ZNF195: variants seen among roughly 807,000 people sequenced by gnomAD.
ZNF195 encodes hypoxia-regulated factor-1.
In ZNF195, 11 loss-of-function variants were observed where a neutral mutation model predicts 19.5. The observed-to-expected ratio is 0.57, with a 90% CI of 0.36 to 0.94. ZNF195 has a LOEUF of 0.94. ZNF195 is among the 40% of genes least tolerant of loss of function. The pLI is 0.01. For missense variants in ZNF195, 582 were observed against 709.0 expected (o/e 0.82, Z 2.03); for synonymous variants, 214 against 248.1 (o/e 0.86, Z 1.29).
intron 1 of ZNF195, among the ~76,000 whole-genome samples, chr11:3,375,868 C>T (rs766271367): frequency 2.6e-5 from 4 of 152,112 alleles, no homozygotes; most frequent in Admixed American, 6.5e-5. Flanking sequence ...GCCTGAGCCC[C>T]GTCTGCACAG....
At chr11:3,371,820 CAGA>C (rs1849227196) in intron 1 of ZNF195, 117 bp from the exon 2 acceptor site, 1 of 1,167,240 alleles carries the variant, frequency 8.6e-7, no homozygotes, top group Non-Finnish European at 1.2e-6. Flanking sequence ...TAATTCTTAG[CAGA>C]AGAATACTCT....
At chr11:3,370,924 C>G (rs377322680) in intron 3 of ZNF195, 51 bp downstream of exon 3, 1 of 1,589,502 alleles carries the variant, frequency 6.3e-7, no homozygotes, top group African/African-American at 1.3e-5. Context: ...GCTTCCTCCT[C>G]GACCTCTGGA....
In ZNF195 at chr11:3,379,133, C is replaced by T; in HGVS notation, c.-93G>A. 6 of 1,388,022 alleles carry T rather than the reference C, an allele frequency of 4.3e-6. No individual in the cohort carries two copies. Among genetic ancestry groups the T allele is most frequent in the Non-Finnish European group, 4.7e-6 (5 of 1,057,680 alleles). The allele number at this position is 1,388,022 out of a possible 1,614,324, so 86.0% of individuals were successfully genotyped here. On this transcript the variant is annotated 5_prime_UTR_variant, in exon 1 of 6. Coordinates refer to ENST00000399602, the MANE Select transcript of ZNF195 (RefSeq NM_001130520.3). ...ACGGCTAGCAGGGGACACAGAGCCGCGGGGACAGGAAGTGGAGCTCTGTCG... is the reference window on the plus strand; with the variant it reads ...ACGGCTAGCAGGGGACACAGAGCCGTGGGGACAGGAAGTGGAGCTCTGTCG...
Position 3,359,725 on chromosome 11 carries a change from T to C in ZNF195, c.1283A>G (p.His428Arg). ...IFKWFSDLTK[H>R]KRIHTGEKPY... ...TTTCTCACCAGTGTGAATTCTCTTA[T>C]GTTTAGTAAGGTCTGAGAACCACTT... Residue 428 changes from histidine to arginine, a missense_variant, in exon 6 of 6, where the codon CAT becomes CGT. Transcript: ENST00000399602. This position sits in a 1 kb window ranked among gnomAD's most constrained non-coding sequence, Gnocchi z 5.5. 4 of 1,614,148 alleles carry C rather than the reference T, an allele frequency of 2.5e-6. No individual in the cohort carries two copies. Among genetic ancestry groups the C allele is most frequent in the Non-Finnish European group, 3.4e-6 (4 of 1,179,962 alleles).
intron 3 of ZNF195, among the ~76,000 whole-genome samples, chr11:3,370,230 A>G (rs926772939): frequency 2.0e-5 from 3 of 151,884 alleles, no homozygotes; most frequent in Admixed American, 6.6e-5. Flanking sequence ...ATACACACAT[A>G]TATACATATG....
At chr11:3,376,601 A>G (rs1849478854) in intron 1 of ZNF195, among the ~76,000 whole-genome samples, 2 of 152,234 alleles carry the variant, frequency 1.3e-5, no homozygotes. Flanking sequence ...CAACAAAATC[A>G]CTGAAACAGT....
chr11:3,361,106 T>A (rs868181859), intron 4 of ZNF195, among the ~76,000 whole-genome samples: 14 of 152,310 alleles, frequency 9.2e-5, no homozygotes, highest in African/African-American at 3.4e-4. Context: ...AGGCGACAAG[T>A]GTATTGTGTG....
At chr11:3,364,862 A>C (rs7946075) in intron 3 of ZNF195, among the ~76,000 whole-genome samples, 96,995 of 152,026 alleles carry the variant, frequency 0.64, 31,534 homozygotes, top group Middle Eastern at 0.73. Flanking sequence ...TACTTATTGA[A>C]CAGAAATAAA....
intron 1 of ZNF195, among the ~76,000 whole-genome samples, chr11:3,376,333 GA>G (rs897208883): frequency 2.1e-3 from 291 of 136,804 alleles, no homozygotes; most frequent in Middle Eastern, 3.7e-3. Flanking sequence ...GCTGATAACT[GA>G]AAAAAAAAAA....
intron 1 of ZNF195, among the ~76,000 whole-genome samples, chr11:3,377,309 G>C (rs903776664): frequency 5.3e-5 from 8 of 152,174 alleles, no homozygotes; most frequent in African/African-American, 1.9e-4. Context: ...TATTCCTTGG[G>C]AGATTCTCCC....
intron 1 of ZNF195, chr11:3,373,478 A>G: frequency 1.1e-6 from 1 of 935,672 alleles, no homozygotes; most frequent in East Asian, 2.6e-5. Flanking sequence ...CTTACTATGG[A>G]GAAACACCAC....
chr11:3,377,505 G>T (rs192194936), intron 1 of ZNF195: 2 of 897,854 alleles, frequency 2.2e-6, no homozygotes, highest in Admixed American at 5.2e-5. Flanking sequence ...GGGCAGAAAT[G>T]ATTTCGGTCT....
intron 3 of ZNF195, 50 bp downstream of exon 3, chr11:3,370,925 G>A (rs535340981): frequency 7.5e-6 from 12 of 1,592,674 alleles, no homozygotes; most frequent in East Asian, 2.2e-5. Flanking sequence ...CTTCCTCCTC[G>A]ACCTCTGGAC....
At chr11:3,362,738 C>T in intron 3 of ZNF195, 1 of 344,988 alleles carries the variant, frequency 2.9e-6, no homozygotes, top group Admixed American at 4.6e-5. Context: ...TACATCTTTT[C>T]ATTTCAGTAA....
chr11:3,363,759 TCAAAACACATTA>T lies in ZNF195; in HGVS notation c.227-1882_227-1871del, dbSNP rs1395607244. On this transcript the variant is annotated intron_variant, in intron 3 of 5. Coordinates refer to ENST00000399602, the MANE Select transcript of ZNF195 (RefSeq NM_001130520.3). ...GTTGGAGGTATCACACTGTCTGATT[TCAAAACACATTA>T]CAAGGCGACCGTAATTAAAACAGTT... Among the ~76,000 whole-genome samples the T allele has an allele frequency of 7.2e-5, 11 of 152,342 alleles. No homozygotes were observed. The East Asian group carries it at 1.9e-3, about 27-fold the overall frequency.
At chr11:3,362,520 G>A in intron 3 of ZNF195, 1 of 514,810 alleles carries the variant, frequency 1.9e-6, no homozygotes, top group South Asian at 2.9e-5. Context: ...TACAACTAAA[G>A]TTAAGTATTT....
chr11:3,372,616 A>G (rs1017325268), intron 1 of ZNF195, among the ~76,000 whole-genome samples: 1 of 49,580 alleles, frequency 2.0e-5, no homozygotes, highest in Non-Finnish European at 5.1e-5. Flanking sequence ...CCAGGTCCTG[A>G]CAAATATCTC....
At chr11:3,371,532 A>T (rs368107977) in intron 2 of ZNF195, 45 bp downstream of exon 2, 211 of 1,612,312 alleles carry the variant, frequency 1.3e-4, no homozygotes, top group Non-Finnish European at 1.7e-4. Flanking sequence ...AACGAAAGGA[A>T]CTCTTTAGGG....
rs374928512 is a variant in ZNF195 at position 3,359,433 on chromosome 11, G to A, written c.1575C>T (p.Asp525=). 5.6e-5 allele frequency: 90 copies of A among 1,613,898 alleles called. No individual in the cohort carries two copies. Among genetic ancestry groups the A allele is most frequent in the Non-Finnish European group, 6.9e-5 (82 of 1,180,014 alleles). ...THTGEKPYKC[D]ECGKNFTQSS... ...ACTGGGTAAAGTTTTTTCCACATTC[G>A]TCACATTTGTAGGGCTTCTCTCCAG... The change falls in exon 6 of 6, where the codon GAC becomes GAT. Residue 525 remains aspartate (D), a synonymous_variant. Transcript: ENST00000399602. This position sits in a 1 kb window ranked among gnomAD's most constrained non-coding sequence, Gnocchi z 5.5.
Sources: allele counts gnomAD v4.1 joint callset (sites outside exome capture counted in the v4.1 genomes callset), GRCh38; gene constraint gnomAD v4.1.1; non-coding constraint Gnocchi (gnomAD v3.1); transcripts MANE v1.5; gene names NCBI Gene and HGNC (gene_info 2026-07-23, HGNC 2026-07-21).